The following RARA variants were observed in gnomAD, a reference collection of about 807,000 sequenced individuals.
The protein encoded by RARA is retinoic acid receptor alpha.
In RARA, 5 loss-of-function variants were observed where a neutral mutation model predicts 42.8. The observed-to-expected ratio is 0.12, with a 90% CI of 0.06 to 0.25. The LOEUF (loss-of-function observed/expected upper bound fraction) is 0.25, where lower values mean the gene tolerates loss of function less well. Ranked by LOEUF, RARA falls within the 10% of genes least tolerant of loss-of-function variation. The pLI, the probability that RARA is intolerant of heterozygous loss-of-function variation, is 1.00. For missense variants in RARA, 402 were observed against 628.7 expected (o/e 0.64, Z 3.86); for synonymous variants, 256 against 259.5 (o/e 0.99, Z 0.13).
At chr17:40,340,953 A>G in intron 2 of RARA, 1 of 400,302 alleles carries the variant, frequency 2.5e-6, no homozygotes, top group Non-Finnish European at 4.4e-6. Flanking sequence ...TATTTGTAAA[A>G]CATCTCTTGG....
intron 2 of RARA, among the ~76,000 whole-genome samples, chr17:40,339,558 A>G (rs1344846018): frequency 2.0e-5 from 3 of 151,862 alleles, no homozygotes; most frequent in Non-Finnish European, 4.4e-5. Context: ...CTCTTGCCCT[A>G]GCTTCTCCTC....
intron 1 of RARA, among the ~76,000 whole-genome samples, chr17:40,318,660 G>A (rs1407079793): frequency 6.6e-6 from 1 of 152,250 alleles, no homozygotes; most frequent in Non-Finnish European, 1.5e-5. Context: ...GTCTTCGCGC[G>A]CAGCCTTGAG....
chr17:40,321,903 T>C (rs2033399669), intron 1 of RARA, among the ~76,000 whole-genome samples: 2 of 152,054 alleles, frequency 1.3e-5, no homozygotes, highest in Admixed American at 6.5e-5. Context: ...GTCAACCTGA[T>C]CTTATGGATG....
Position 40,351,948 on chromosome 17 carries a change from C to T in RARA, c.508C>T (p.Pro170Ser). The change falls in exon 5 of 9, where the codon CCC becomes TCC. Residue 170 changes from proline (P) to serine (S), a missense_variant. Transcript: ENST00000254066. This position sits in a 1 kb window ranked among gnomAD's most constrained non-coding sequence, Gnocchi z 4.1. The stretch of plus-strand genomic sequence containing the variant: ...CCGAAACAAGAAGAAGAAGGAGGTG[C>T]CCAAGCCCGAGTGCTCTGAGAGCTA... ...NDRNKKKKEV[P>S]KPECSESYTL... The T allele has an allele frequency of 6.2e-7, 1 of 1,612,638 alleles. No individual in the cohort carries two copies. The highest frequency in any genetic ancestry group is 8.5e-7 in the Non-Finnish European group (1 of 1,179,510).
intron 1 of RARA, among the ~76,000 whole-genome samples, chr17:40,325,300 A>T (rs1047103135): frequency 7.7e-5 from 11 of 142,620 alleles, no homozygotes; most frequent in South Asian, 2.2e-4. Flanking sequence ...AATAAATAAA[A>T]AGAGGCTGGG....
At chr17:40,348,243 G>C in intron 2 of RARA, 73 bp from the exon 3 acceptor site, 1 of 1,463,848 alleles carries the variant, frequency 6.8e-7, no homozygotes, top group Non-Finnish European at 9.1e-7. Flanking sequence ...GAGGGACGGT[G>C]AGGCAGGGTG....
chr17:40,352,108 C>G lies in RARA; in HGVS notation c.630+38C>G. 3 of 1,506,040 alleles carry G rather than the reference C, an allele frequency of 2.0e-6. No individual in the cohort carries two copies. The highest frequency in any genetic ancestry group is 2.7e-6 in the Non-Finnish European group (3 of 1,132,016). 93.3% of individuals were successfully genotyped at this position (1,506,040 alleles called of 1,614,324 possible). A position where few individuals can be genotyped will look rare whatever the true frequency, so the allele number is the denominator to read the frequency against. ...CCCGGCCTGCAGGGTGGGATTTGCC[C>G]AGGGCCACAGGGCCAGGATGGGCCC... On this transcript the variant is annotated intron_variant, in intron 5 of 8. Transcript: ENST00000254066. The surrounding 1 kb of genome is among the most constrained non-coding windows in gnomAD (Gnocchi z 4.9).
chr17:40,342,615 A>G, intron 2 of RARA: 2 of 1,507,188 alleles, frequency 1.3e-6, no homozygotes, highest in South Asian at 1.3e-5. Context: ...CCTCTCCCCC[A>G]GCTGCTCTGC....
chr17:40,351,500 A>AC lies in RARA; in HGVS notation c.470-405dup, dbSNP rs530777841. The AC allele has an allele frequency of 2.4e-4, 115 of 473,462 alleles. 1 individual carries two copies. The highest frequency in any genetic ancestry group is 1.8e-3 in the South Asian group (115 of 64,372). 29.3% of individuals were successfully genotyped at this position (473,462 alleles called of 1,614,324 possible). On this transcript the variant is annotated intron_variant, in intron 4 of 8. Transcript: ENST00000254066. The surrounding 1 kb of genome is among the most constrained non-coding windows in gnomAD (Gnocchi z 4.1). ...AGCTGCTCAGAGCCAGTCCCAAGGG[A>AC]CCCCCAGGGAGACTGCAGCTGGGAG...
intron 1 of RARA, among the ~76,000 whole-genome samples, chr17:40,329,364 T>A (rs1034386887): frequency 6.6e-6 from 1 of 151,806 alleles, no homozygotes; most frequent in Non-Finnish European, 1.5e-5. Flanking sequence ...TGGAGTGCAA[T>A]GGTGTGATCT....
At chr17:40,335,711 T>A (rs1343550064) in intron 2 of RARA, among the ~76,000 whole-genome samples, 1 of 148,262 alleles carries the variant, frequency 6.7e-6, no homozygotes, top group Non-Finnish European at 1.5e-5. Flanking sequence ...GATAATAAAA[T>A]AAAACTTAAG....
intron 1 of RARA, among the ~76,000 whole-genome samples, chr17:40,310,695 A>T (rs1055647172): frequency 6.6e-6 from 1 of 152,260 alleles, no homozygotes; most frequent in South Asian, 2.1e-4. Flanking sequence ...TTACTTAACT[A>T]TATGTGTTTA....
chr17:40,344,325 T>A (rs2034178543), intron 2 of RARA, among the ~76,000 whole-genome samples: 1 of 152,106 alleles, frequency 6.6e-6, no homozygotes, highest in Non-Finnish European at 1.5e-5. Context: ...CCCTTGACTT[T>A]GGAAGAAGAG....
Position 40,354,396 on chromosome 17 carries a change from G to C in RARA, c.902G>C (p.Gly301Ala), listed in dbSNP as rs1333053490. Reference sequence around the variant, plus strand: ...AACCGGACCCAGATGCACAACGCTGGCTTCGGCCCCCTCACCGACCTGGTC... The same window carrying C: ...AACCGGACCCAGATGCACAACGCTGCCTTCGGCCCCCTCACCGACCTGGTC... ...TLNRTQMHNA[G>A]FGPLTDLVFA... is the part of the protein sequence containing the mutation. The change falls in exon 7 of 9, where the codon GGC becomes GCC. Residue 301 changes from glycine to alanine, a missense_variant. Transcript: ENST00000254066. The surrounding 1 kb of genome is among the most constrained non-coding windows in gnomAD (Gnocchi z 4.5). 9 of 1,614,208 alleles carry C rather than the reference G, an allele frequency of 5.6e-6. No individual in the cohort carries two copies. The highest frequency in any genetic ancestry group is 7.6e-6 in the Non-Finnish European group (9 of 1,180,048).
chr17:40,336,749 G>A (rs979988313), intron 2 of RARA, among the ~76,000 whole-genome samples: 6 of 152,014 alleles, frequency 3.9e-5, no homozygotes, highest in Non-Finnish European at 8.8e-5. Context: ...GGGCTGGAGT[G>A]CAGTGGCTCG....
rs1220464444 is a variant in RARA, at chr17:40,352,416, C to A, written c.716C>A (p.Thr239Asn). The A allele has an allele frequency of 6.2e-7, 1 of 1,614,008 alleles. No homozygotes were observed. Residue 239 changes from threonine to asparagine, a missense_variant, in exon 6 of 9, where the codon ACT becomes AAT. This residue lies in a region of RARA where 130 missense variants were observed against 267.9 expected (regional missense o/e 0.49). Coordinates refer to ENST00000254066, the MANE Select transcript of RARA (RefSeq NM_000964.4). The surrounding 1 kb of genome is among the most constrained non-coding windows in gnomAD (Gnocchi z 4.9). ...SELSTKCIIK[T>N]VEFAKQLPGF... Reference sequence around the variant, plus strand: ...CTCTCCACCAAGTGCATCATTAAGACTGTGGAGTTCGCCAAGCAGCTGCCC... The same window carrying A: ...CTCTCCACCAAGTGCATCATTAAGAATGTGGAGTTCGCCAAGCAGCTGCCC...
At chr17:40,341,929 C>A in intron 2 of RARA, 1 of 1,126,974 alleles carries the variant, frequency 8.9e-7, no homozygotes, top group Non-Finnish European at 1.1e-6. Flanking sequence ...GTGTACTCCT[C>A]ATCTGGAGCC....
rs1316435111 is a variant in RARA, at chr17:40,348,636, C to T, written c.327+172C>T. ...CTACCACAGTTTCCCCACAGGTCCTCCCCCATAAATGTGCAGGGCTCCCTC... is the reference window on the plus strand; with the variant it reads ...CTACCACAGTTTCCCCACAGGTCCTTCCCCATAAATGTGCAGGGCTCCCTC... On this transcript the variant is annotated intron_variant, in intron 3 of 8. Coordinates refer to ENST00000254066, the MANE Select transcript of RARA (RefSeq NM_000964.4). The T allele has an allele frequency of 4.9e-5, 39 of 793,592 alleles. 1 individual carries two copies. The highest frequency in any genetic ancestry group is 6.8e-5 in the Non-Finnish European group (37 of 546,022). The allele number at this position is 793,592 out of a possible 1,614,324, so 49.2% of individuals were successfully genotyped here.
chr17:40,315,124 T>TTATATG lies in RARA; in HGVS notation c.-363+5840_-363+5845dup, dbSNP rs1202614285. Among the ~76,000 whole-genome samples the TTATATG allele has an allele frequency of 3.4e-3, 194 of 56,880 alleles. 2 individuals carry two copies. Among genetic ancestry groups the TTATATG allele is most frequent in the Middle Eastern group, 8.8e-3 (1 of 114 alleles). The allele number at this position is 56,880 out of a possible 152,430, so 37.3% of individuals were successfully genotyped here. A position where few individuals can be genotyped will look rare whatever the true frequency, so the allele number is the denominator to read the frequency against. ...TGTATATATATATATATATATATGC[T>TTATATG]TATATGTGTATATATATATATATAT... On this transcript the variant is annotated intron_variant, in intron 1 of 8. Transcript: ENST00000254066.
Sources: allele counts gnomAD v4.1 joint callset (sites outside exome capture counted in the v4.1 genomes callset), GRCh38; gene constraint gnomAD v4.1.1; regional missense constraint gnomAD v4.1.1; non-coding constraint Gnocchi (gnomAD v3.1); transcripts MANE v1.5; gene names NCBI Gene and HGNC (gene_info 2026-07-23, HGNC 2026-07-21).